The following SLC9A8 variants were observed in gnomAD, a reference collection of about 807,000 sequenced individuals.
The protein encoded by SLC9A8 is solute carrier family 9 member A8, also known as sodium/hydrogen exchanger 8.
SLC9A8 carries 48 observed loss-of-function variants against 66.6 expected under a neutral mutation model. The ratio of observed to expected loss-of-function variants is 0.72; its 90% CI spans 0.57 to 0.92. SLC9A8 has a LOEUF of 0.92. Among genes scored for constraint, SLC9A8 ranks in the 40% least tolerant of loss-of-function variants. The pLI is 0.00. For synonymous variants in SLC9A8, 274 were observed against 282.6 expected (o/e 0.97, Z 0.31); for missense variants, 599 against 747.3 (o/e 0.80, Z 2.31).
intron 12 of SLC9A8, among the ~76,000 whole-genome samples, chr20:49,879,277 C>T (rs182100525): frequency 9.9e-5 from 15 of 152,250 alleles, no homozygotes; most frequent in Non-Finnish European, 1.6e-4. Context: ...ACAGTTCCTG[C>T]CCTGTAAACT....
chr20:49,856,171 GTGTGACA>G (rs1427170977), intron 8 of SLC9A8, among the ~76,000 whole-genome samples: 1 of 152,136 alleles, frequency 6.6e-6, no homozygotes, highest in Non-Finnish European at 1.5e-5. Flanking sequence ...TGCTTATTAA[GTGTGACA>G]TTCCTAGGCC....
rs1233872097 is a variant in SLC9A8 at position 49,856,296 on chromosome 20, T to G, written c.713+715T>G. On this transcript the variant is annotated intron_variant, in intron 8 of 15. Coordinates refer to ENST00000361573, the MANE Select transcript of SLC9A8 (RefSeq NM_015266.3). The stretch of plus-strand genomic sequence containing the variant: ...AGCGGCCTGTTCAGGGGTCAGTGTT[T>G]GGGCAATATTATTGGCAACAAAAGC... 2.0e-5 allele frequency among the ~76,000 whole-genome samples: 3 copies of G among 152,146 alleles called. No individual in the cohort carries two copies. The South Asian group carries it at 6.2e-4, about 31-fold the overall frequency.
chr20:49,850,644 A>G (rs1450538740), intron 6 of SLC9A8, 166 bp from the exon 7 acceptor site: 1 of 680,476 alleles, frequency 1.5e-6, no homozygotes, highest in Non-Finnish European at 2.4e-6. Flanking sequence ...GATGGAATGC[A>G]TGTTTCAACT....
At position 49,886,785 on chromosome 20, in the gene SLC9A8, C is replaced by T; in HGVS notation, c.1525C>T (p.Leu509Phe). 1 of 1,614,142 alleles carries T rather than the reference C, an allele frequency of 6.2e-7. No individual in the cohort carries two copies. Among genetic ancestry groups the T allele is most frequent in the East Asian group, 2.2e-5 (1 of 44,880 alleles). Residue 509 changes from leucine to phenylalanine, a missense_variant, in exon 15 of 16, where the codon CTC becomes TTC. Leu to Phe is a conservative substitution (Grantham distance 22, BLOSUM62 0). Around this residue, in one of 2 missense-constraint regions of SLC9A8, gnomAD observed 467 missense variants for 626.5 expected, o/e 0.75. Coordinates refer to ENST00000361573, the MANE Select transcript of SLC9A8 (RefSeq NM_015266.3). The surrounding 1 kb of genome is among the most constrained non-coding windows in gnomAD (Gnocchi z 4.8). ...NTVESEHLSE[L>F]TEEEYEAHYI... ...TGTGGAGTCGGAGCACCTGTCGGAG[C>T]TCACGGAGGAGGAGTACGAGGCCCA...
At chr20:49,860,189 C>A (rs1006689368) in intron 8 of SLC9A8, among the ~76,000 whole-genome samples, 1 of 152,166 alleles carries the variant, frequency 6.6e-6, no homozygotes, top group Admixed American at 6.5e-5. Flanking sequence ...CCCTTGTTGG[C>A]TGCCACATTC....
At position 49,883,617 on chromosome 20, in the gene SLC9A8, G is replaced by A. The variant is rs545636970; in HGVS notation, c.1271-229G>A. Among the ~76,000 whole-genome samples, 3 of 152,298 alleles carry A rather than the reference G, an allele frequency of 2.0e-5. No individual in the cohort carries two copies. In the East Asian group the frequency reaches 5.8e-4, roughly 29 times the overall value. ...ATCTGGGGCTCTGTAGCTGGGGCAG[G>A]CCATCTCATTTGATCTGCCAATGTT... On this transcript the variant is annotated intron_variant, in intron 13 of 15. Transcript: ENST00000361573.
Position 49,890,411 on chromosome 20 carries a change from A to G in SLC9A8, c.*2475A>G, listed in dbSNP as rs1356534717. The G allele has an allele frequency of 1.3e-5, 2 of 152,260 alleles. No individual in the cohort carries two copies. Among genetic ancestry groups the G allele is most frequent in the African/African-American group, 2.4e-5 (1 of 41,544 alleles). The allele number at this position is 152,260 out of a possible 1,614,324, so 9.4% of individuals were successfully genotyped here. A position where few individuals can be genotyped will look rare whatever the true frequency, so the allele number is the denominator to read the frequency against. Reference sequence around the variant, plus strand: ...CTTAACTATATCTTCCTGCGTGTGTATTTATTTTCTTCTGGGTCTAGGCCA... The same window carrying G: ...CTTAACTATATCTTCCTGCGTGTGTGTTTATTTTCTTCTGGGTCTAGGCCA... On this transcript the variant is annotated 3_prime_UTR_variant, in exon 16 of 16. Transcript: ENST00000361573.
chr20:49,855,589 CG>C lies in SLC9A8; in HGVS notation c.713+13del. ...CTCCATTGTTCTGACCAAGTAAGTA[CG>C]GGGGCAGAGAACAGACTTTTTTCAT... On this transcript the variant is annotated intron_variant, in intron 8 of 15. Coordinates refer to ENST00000361573, the MANE Select transcript of SLC9A8 (RefSeq NM_015266.3). 1 of 1,612,954 alleles carries C rather than the reference CG, an allele frequency of 6.2e-7. No individual in the cohort carries two copies. The highest frequency in any genetic ancestry group is 8.5e-7 in the Non-Finnish European group (1 of 1,179,480).
Position 49,815,173 on chromosome 20 carries a change from C to T in SLC9A8, c.192C>T (p.Phe64=). 6.4e-7 allele frequency: 1 copy of T among 1,565,232 alleles called. No homozygotes were observed. The highest frequency in any genetic ancestry group is 2.4e-5 in the East Asian group (1 of 42,064). The part of the protein sequence containing the change: ...EEQSSGMTIF[F]SLLVLAICII... ...AGTCCAGCGGCATGACCATTTTCTTCAGCCTCCTTGTCCTAGGTGAATATG... is the reference window on the plus strand; with the variant it reads ...AGTCCAGCGGCATGACCATTTTCTTTAGCCTCCTTGTCCTAGGTGAATATG... Residue 64 remains phenylalanine, a synonymous_variant, in exon 2 of 16, where the codon TTC becomes TTT. Transcript: ENST00000361573.
At position 49,877,840 on chromosome 20, in the gene SLC9A8, A is replaced by G. The variant is rs527651637; in HGVS notation, c.1076-141A>G. The stretch of plus-strand genomic sequence containing the variant: ...GAATTTAAGCACAAGTTTGACCAAG[A>G]TATTGGCTGCAGGATTTTCAAGAAA... On this transcript the variant is annotated intron_variant, in intron 11 of 15. Transcript: ENST00000361573. 3.5e-4 allele frequency: 195 copies of G among 552,926 alleles called. 1 individual carries two copies. The highest frequency in any genetic ancestry group is 5.7e-4 in the Middle Eastern group (2 of 3,490). 34.3% of individuals were successfully genotyped at this position (552,926 alleles called of 1,614,324 possible).
Position 49,839,590 on chromosome 20 carries a change from G to T in SLC9A8, c.339G>T (p.Ala113=), listed in dbSNP as rs773532739. The change falls in exon 4 of 16, where the codon GCG becomes GCT. Residue 113 remains alanine, a synonymous_variant. Transcript: ENST00000361573. ...VIKIIEFKKL[A]NWKEEEMFRP... ...AAATTATAGAGTTTAAAAAACTGGC[G>T]AATTGGAAGGTAGGTTTGCCCTTTG... 2.5e-6 allele frequency: 4 copies of T among 1,599,428 alleles called. No individual in the cohort carries two copies. The highest frequency in any genetic ancestry group is 3.4e-6 in the Non-Finnish European group (4 of 1,168,764).
Position 49,891,165 on chromosome 20 carries a change from A to AGTGGCC in SLC9A8, c.*3232_*3237dup, listed in dbSNP as rs1263326792. On this transcript the variant is annotated 3_prime_UTR_variant, in exon 16 of 16. Coordinates refer to ENST00000361573, the MANE Select transcript of SLC9A8 (RefSeq NM_015266.3). ...CTGATTCCTGTGTGGGGAGAAGCTC[A>AGTGGCC]GTGGCCGTTTGCTGCCACTGACAAG... The AGTGGCC allele has an allele frequency of 6.6e-6, 1 of 152,324 alleles. No individual in the cohort carries two copies. The highest frequency in any genetic ancestry group is 1.5e-5 in the Non-Finnish European group (1 of 68,172). 9.4% of individuals were successfully genotyped at this position (152,324 alleles called of 1,614,324 possible).
At chr20:49,813,703 T>A (rs1001488944) in intron 1 of SLC9A8, among the ~76,000 whole-genome samples, 1 of 152,170 alleles carries the variant, frequency 6.6e-6, no homozygotes, top group Non-Finnish European at 1.5e-5. Context: ...GAGTTAAGGT[T>A]GGGGAGTCCA....
intron 10 of SLC9A8, among the ~76,000 whole-genome samples, chr20:49,865,446 G>A (rs1050463874): frequency 2.6e-5 from 4 of 152,132 alleles, no homozygotes; most frequent in African/African-American, 9.7e-5. Flanking sequence ...TGTGAAGTAG[G>A]TACTAAGAGG....
At position 49,891,434 on chromosome 20, in the gene SLC9A8, C is replaced by G. The variant is rs2090041192; in HGVS notation, c.*3498C>G. The G allele has an allele frequency of 6.6e-6, 1 of 152,236 alleles. No homozygotes were observed. Among genetic ancestry groups the G allele is most frequent in the African/African-American group, 2.4e-5 (1 of 41,446 alleles). The allele number at this position is 152,236 out of a possible 1,614,324, so 9.4% of individuals were successfully genotyped here. On this transcript the variant is annotated 3_prime_UTR_variant, in exon 16 of 16. Transcript: ENST00000361573. ...GCCTCGAGAATAAAGAGCCAGCCCC[C>G]TTCCATTTAGTCTCCTGCCGTTTCC... is the stretch of plus-strand genomic sequence containing the variant.
At chr20:49,846,286 T>C (rs1417107255) in intron 5 of SLC9A8, among the ~76,000 whole-genome samples, 1 of 152,138 alleles carries the variant, frequency 6.6e-6, no homozygotes, top group Non-Finnish European at 1.5e-5. Context: ...AAAATACTAG[T>C]ATTAATAATA....
intron 14 of SLC9A8, chr20:49,884,285 ACAC>A: frequency 3.7e-6 from 1 of 271,644 alleles, no homozygotes; most frequent in Non-Finnish European, 6.8e-6. Context: ...ACACACACAC[ACAC>A]GACACACACA....
At chr20:49,830,535 C>A in intron 3 of SLC9A8, 1 of 671,726 alleles carries the variant, frequency 1.5e-6, no homozygotes, top group Non-Finnish European at 2.7e-6. Context: ...AGTCACTTAG[C>A]TGGCCTGGGT....
At position 49,889,727 on chromosome 20, in the gene SLC9A8, G is replaced by T. The variant is rs1312806707; in HGVS notation, c.*1791G>T. 6.6e-6 allele frequency: 1 copy of T among 152,178 alleles called. No individual in the cohort carries two copies. The highest frequency in any genetic ancestry group is 1.5e-5 in the Non-Finnish European group (1 of 68,032). The allele number at this position is 152,178 out of a possible 1,614,324, so 9.4% of individuals were successfully genotyped here. A position where few individuals can be genotyped will look rare whatever the true frequency, so the allele number is the denominator to read the frequency against. The stretch of plus-strand genomic sequence containing the variant: ...CATTTCCTTTTAGTGGAGAAGAGAG[G>T]AAGTCAGAGGGTAGGGACCTTTGCC... On this transcript the variant is annotated 3_prime_UTR_variant, in exon 16 of 16. Transcript: ENST00000361573.
Sources: allele counts gnomAD v4.1 joint callset (sites outside exome capture counted in the v4.1 genomes callset), GRCh38; gene constraint gnomAD v4.1.1; regional missense constraint gnomAD v4.1.1; non-coding constraint Gnocchi (gnomAD v3.1); transcripts MANE v1.5; gene names NCBI Gene and HGNC (gene_info 2026-07-23, HGNC 2026-07-21).